The following AMBRA1 variants were observed in gnomAD, a reference collection of about 807,000 sequenced individuals.
The protein encoded by AMBRA1 is autophagy and beclin 1 regulator 1.
AMBRA1 carries 47 observed loss-of-function variants against 125.4 expected under a neutral mutation model. The ratio of observed to expected loss-of-function variants is 0.37; its 90% confidence interval spans 0.30 to 0.48. AMBRA1 has a LOEUF of 0.48. Ranked by LOEUF, AMBRA1 falls within the 20% of genes least tolerant of loss-of-function variation. AMBRA1 has a pLI of 0.99. For synonymous variants in AMBRA1, 626 were observed against 655.5 expected (o/e 0.95, Z 0.69); for missense variants, 1,331 against 1,693.4 (o/e 0.79, Z 3.76).
At chr11:46,471,450 C>T (rs1227482643) in intron 11 of AMBRA1, among the ~76,000 whole-genome samples, 1 of 151,288 alleles carries the variant, frequency 6.6e-6, no homozygotes, top group African/African-American at 2.4e-5. Flanking sequence ...TGGTGGCGGG[C>T]GCCTGCAGTC....
At chr11:46,562,814 T>G (rs1355949250) in intron 1 of AMBRA1, among the ~76,000 whole-genome samples, 1 of 151,896 alleles carries the variant, frequency 6.6e-6, no homozygotes, top group Non-Finnish European at 1.5e-5. Flanking sequence ...TTTTTTTTTT[T>G]TTTGAGAAGG....
At chr11:46,400,117 C>G (rs1945666244) in intron 17 of AMBRA1, among the ~76,000 whole-genome samples, 1 of 152,132 alleles carries the variant, frequency 6.6e-6, no homozygotes, top group African/African-American at 2.4e-5. Context: ...CTGCTCAGCT[C>G]TTGGTAGGGT....
Position 46,397,950 on chromosome 11 carries a change from G to A in AMBRA1, c.3404-7C>T. On this transcript the variant is annotated splice_region_variant and splice_polypyrimidine_tract_variant and intron_variant, in intron 17 of 17. Transcript: ENST00000683756. The stretch of plus-strand genomic sequence containing the variant: ...CCATACTCTGAACCCTCACCTGGCA[G>A]ATACAAAGCAGAAGAGAGAGCGAAT... 1 of 1,582,720 alleles carries A rather than the reference G, an allele frequency of 6.3e-7. No individual in the cohort carries two copies.
intron 12 of AMBRA1, 62 bp downstream of exon 12, chr11:46,443,426 G>T (rs892590012): frequency 7.3e-7 from 1 of 1,361,952 alleles, no homozygotes; most frequent in Non-Finnish European, 1.0e-6. Context: ...ATGAATTTTT[G>T]AGTTCTGGCT....
chr11:46,444,631 G>T (rs1328949584), intron 11 of AMBRA1, among the ~76,000 whole-genome samples: 1 of 152,190 alleles, frequency 6.6e-6, no homozygotes, highest in Non-Finnish European at 1.5e-5. Flanking sequence ...ACCAGCCTTG[G>T]AAAAATGGAC....
At chr11:46,541,157 C>A (rs143247516) in intron 7 of AMBRA1, among the ~76,000 whole-genome samples, 6 of 152,316 alleles carry the variant, frequency 3.9e-5, no homozygotes, top group Admixed American at 2.0e-4. Context: ...CCTAATAAAT[C>A]AAGATAGATG....
rs2042853292 is a variant in AMBRA1 at position 46,547,233 on chromosome 11, C to T, written c.258G>A (p.Lys86=). 1.2e-6 allele frequency: 2 copies of T among 1,614,040 alleles called. No homozygotes were observed. The highest frequency in any genetic ancestry group is 1.7e-6 in the Non-Finnish European group (2 of 1,180,008). ...NIYITEVKTG[K]CVHSLIGHRR... The stretch of plus-strand genomic sequence containing the variant: ...GGTGTCCAATCAGGGAATGAACACA[C>T]TTGCCAGTCTTCACCTCCGTAATAT... The change falls in exon 4 of 18, where the codon AAG becomes AAA. Residue 86 remains lysine, a synonymous_variant. Coordinates refer to ENST00000683756, the MANE Select transcript of AMBRA1 (RefSeq NM_001387011.1).
In AMBRA1 at chr11:46,397,720, G is replaced by T; in HGVS notation, c.3627C>A (p.Ser1209=). The T allele has an allele frequency of 6.2e-7, 1 of 1,613,188 alleles. No homozygotes were observed. ...CCTCTGGGAGCAGTCCCCGAGAGGT[G>T]GAGGGCTGGGGTGAGGAGGTGTGGG... The part of the protein sequence containing the change: ...GAAHTSSPQP[S]TSRGLLPEAG... Residue 1209 remains serine, a synonymous_variant, in exon 18 of 18, where the codon TCC becomes TCA. Transcript: ENST00000683756.
At chr11:46,489,463 T>C (rs574586600) in intron 11 of AMBRA1, among the ~76,000 whole-genome samples, 1 of 151,906 alleles carries the variant, frequency 6.6e-6, no homozygotes, top group Admixed American at 6.6e-5. Context: ...TTTTTATATT[T>C]AAAAAGAAGA....
In AMBRA1 at chr11:46,531,752, C is replaced by A. The variant is rs376985111; in HGVS notation, c.2072+10193G>T. On this transcript the variant is annotated intron_variant, in intron 7 of 17. Transcript: ENST00000683756. Reference sequence around the variant, plus strand: ...GAATGATATCCCTCCTTCACTCTATCCTCATTCCCATATTGCCAAAGAGAA... The same window carrying A: ...GAATGATATCCCTCCTTCACTCTATACTCATTCCCATATTGCCAAAGAGAA... 2.8e-4 allele frequency among the ~76,000 whole-genome samples: 42 copies of A among 151,298 alleles called. No homozygotes were observed. In the South Asian group the frequency reaches 8.2e-3, roughly 30 times the overall value.
At chr11:46,508,957 C>T (rs1951159617) in intron 8 of AMBRA1, among the ~76,000 whole-genome samples, 1 of 152,128 alleles carries the variant, frequency 6.6e-6, no homozygotes, top group Non-Finnish European at 1.5e-5. Flanking sequence ...CTTTTTCTCT[C>T]CCTTAAGAAT....
chr11:46,549,998 T>C (rs750521275), intron 1 of AMBRA1, among the ~76,000 whole-genome samples: 1 of 152,182 alleles, frequency 6.6e-6, no homozygotes, highest in Non-Finnish European at 1.5e-5. Context: ...TTTGTATTTT[T>C]AGTAAAGACC....
intron 1 of AMBRA1, among the ~76,000 whole-genome samples, chr11:46,589,167 A>G (rs1489596740): frequency 6.6e-6 from 1 of 152,188 alleles, no homozygotes; most frequent in East Asian, 1.9e-4. Flanking sequence ...CTTACATTAC[A>G]TTGGCAGGCT....
chr11:46,547,046 G>C, intron 4 of AMBRA1, 67 bp downstream of exon 4: 2 of 1,467,440 alleles, frequency 1.4e-6, no homozygotes, highest in South Asian at 2.7e-5. Context: ...GCAACAGAGC[G>C]AGACTCCGTC....
chr11:46,447,065 A>G (rs1948323434), intron 11 of AMBRA1, among the ~76,000 whole-genome samples: 1 of 152,220 alleles, frequency 6.6e-6, no homozygotes, highest in African/African-American at 2.4e-5. Context: ...AGAAAAGGGT[A>G]TAATAGTACC....
At chr11:46,592,082 A>G (rs1028584558) in intron 1 of AMBRA1, among the ~76,000 whole-genome samples, 1 of 150,090 alleles carries the variant, frequency 6.7e-6, no homozygotes, top group African/African-American at 2.5e-5. Context: ...AGTAGCTGGG[A>G]TTACAGGCAT....
intron 11 of AMBRA1, among the ~76,000 whole-genome samples, chr11:46,478,067 C>CT (rs1949897146): frequency 6.6e-6 from 1 of 152,004 alleles, no homozygotes; most frequent in Non-Finnish European, 1.5e-5. Context: ...GAATTTGTCT[C>CT]TATGTGACCT....
chr11:46,585,697 T>A (rs199965992), intron 1 of AMBRA1, among the ~76,000 whole-genome samples: 747 of 19,526 alleles, frequency 0.038, 19 homozygotes, highest in Non-Finnish European at 0.062. Context: ...AAAAAAAAAA[T>A]ATATATATAT....
At chr11:46,420,186 C>A (rs1590756367) in intron 14 of AMBRA1, among the ~76,000 whole-genome samples, 1 of 152,174 alleles carries the variant, frequency 6.6e-6, no homozygotes, top group Non-Finnish European at 1.5e-5. Flanking sequence ...GCATTAGGAA[C>A]CTCCTACACC....
Sources: gnomAD v4.1 joint callset for allele counts (sites outside exome capture counted in the v4.1 genomes callset) on GRCh38, gnomAD v4.1.1 for gene constraint, MANE v1.5 for transcripts, NCBI Gene and HGNC (gene_info 2026-07-23, HGNC 2026-07-21) for gene names.